Variants in MINDY3 observed in about 807,000 individuals in gnomAD.
MINDY3 encodes MINDY lysine 48 deubiquitinase 3.
In MINDY3, 38 loss-of-function variants were observed where a neutral mutation model predicts 69.2. That is an observed-to-expected ratio of 0.55 (90% CI 0.42 to 0.72). MINDY3 has a LOEUF of 0.72. MINDY3 is among the 30% of genes least tolerant of loss of function. MINDY3 has a pLI of 0.00. For synonymous variants in MINDY3, 192 were observed against 180.1 expected, an observed-to-expected ratio of 1.07 and a Z score of -0.53; for missense variants, 522 against 519.0, an observed-to-expected ratio of 1.01 and a Z score of -0.06.
At chr10:15,816,941 CA>C in intron 9 of MINDY3, 26 bp from the exon 10 acceptor site, 1 of 1,533,472 alleles carries the variant, frequency 6.5e-7, no homozygotes, top group South Asian at 1.2e-5. Flanking sequence ...CAAAATAAAA[CA>C]AATAAACAAA....
intron 11 of MINDY3, among the ~76,000 whole-genome samples, chr10:15,793,157 A>C (rs1837548817): frequency 1.3e-5 from 2 of 152,142 alleles, no homozygotes; most frequent in African/African-American, 4.8e-5. Context: ...CTGAATACGA[A>C]GCACATATCC....
rs753037823 is a variant in MINDY3, at chr10:15,833,685, C to G, written c.675G>C (p.Leu225=). 1.2e-6 allele frequency: 2 copies of G among 1,610,722 alleles called. No homozygotes were observed. Among genetic ancestry groups the G allele is most frequent in the Non-Finnish European group, 1.7e-6 (2 of 1,177,326 alleles). Residue 225 remains leucine, a synonymous_variant, in exon 8 of 15, where the codon CTG becomes CTC. Transcript: ENST00000277632. ...HGSQSLINLL[L]TGHAVSNVWD... ...ATACATTAGAAACAGCATGTCCCGT[C>G]AGCAGGAGATTAATTAAACTTTGGC...
At chr10:15,828,846 T>C (rs1840268181) in intron 8 of MINDY3, among the ~76,000 whole-genome samples, 1 of 152,166 alleles carries the variant, frequency 6.6e-6, no homozygotes, top group Admixed American at 6.5e-5. Context: ...TCTGACAACA[T>C]AGTAGGAGGC....
At chr10:15,807,345 G>A (rs1838705903) in intron 10 of MINDY3, among the ~76,000 whole-genome samples, 1 of 152,184 alleles carries the variant, frequency 6.6e-6, no homozygotes, top group Non-Finnish European at 1.5e-5. Context: ...AAGAGAGTAG[G>A]AGAATCAGCG....
At chr10:15,849,559 G>A (rs1834127126) in intron 1 of MINDY3, among the ~76,000 whole-genome samples, 1 of 151,864 alleles carries the variant, frequency 6.6e-6, no homozygotes, top group Admixed American at 6.6e-5. Flanking sequence ...CCGTGGAGAA[G>A]AGAAACTACA....
intron 10 of MINDY3, among the ~76,000 whole-genome samples, chr10:15,815,621 T>C (rs559228527): frequency 1.3e-5 from 2 of 152,316 alleles, no homozygotes; most frequent in East Asian, 3.9e-4. Context: ...TCAAGTTACC[T>C]ATGATCCCAG....
intron 12 of MINDY3, among the ~76,000 whole-genome samples, chr10:15,787,820 GA>G (rs1837090657): frequency 6.6e-6 from 1 of 152,060 alleles, no homozygotes; most frequent in African/African-American, 2.4e-5. Context: ...AAGTTATGAT[GA>G]AACAAATGAA....
intron 10 of MINDY3, among the ~76,000 whole-genome samples, chr10:15,805,101 A>G (rs566444172): frequency 6.6e-6 from 1 of 152,280 alleles, no homozygotes; most frequent in African/African-American, 2.4e-5. Context: ...TGCCATAATT[A>G]TTAAAATCAT....
At chr10:15,827,464 C>A (rs1304768699) in intron 8 of MINDY3, among the ~76,000 whole-genome samples, 1 of 151,636 alleles carries the variant, frequency 6.6e-6, no homozygotes, top group Non-Finnish European at 1.5e-5. Flanking sequence ...TTGCTTGAAC[C>A]CGGGTTAGGC....
intron 10 of MINDY3, among the ~76,000 whole-genome samples, chr10:15,812,604 T>G (rs115362124): frequency 0.016 from 2,494 of 152,274 alleles, 51 homozygotes; most frequent in African/African-American, 0.054. Context: ...GGTGCATCAG[T>G]CTACATAACA....
At position 15,816,866 on chromosome 10, in the gene MINDY3, C is replaced by T. The variant is rs766202097; in HGVS notation, c.851G>A (p.Ser284Asn). The change falls in exon 10 of 15, where the codon AGT becomes AAT. Residue 284 changes from serine (S) to asparagine (N), a missense_variant. By Grantham distance (46) the Ser-to-Asn change is conservative. Coordinates refer to ENST00000277632, the MANE Select transcript of MINDY3 (RefSeq NM_024948.4). ...SPKFPIWIVG[S>N]ETHLTVFFAK... ...AAAAAATACGGTGAGGTGAGTCTCA[C>T]TGCCAACAATCCAAATAGGGAATTT... is the stretch of plus-strand genomic sequence containing the variant. The T allele has an allele frequency of 6.2e-7, 1 of 1,613,402 alleles. No homozygotes were observed. The highest frequency in any genetic ancestry group is 8.5e-7 in the Non-Finnish European group (1 of 1,179,618).
At chr10:15,856,464 ATCTC>A (rs150752948) in intron 1 of MINDY3, among the ~76,000 whole-genome samples, 1 of 152,014 alleles carries the variant, frequency 6.6e-6, no homozygotes, top group Non-Finnish European at 1.5e-5. Context: ...GCAAAAATAA[ATCTC>A]TCTCTGACTA....
At chr10:15,814,548 A>T (rs1839224230) in intron 10 of MINDY3, among the ~76,000 whole-genome samples, 1 of 150,996 alleles carries the variant, frequency 6.6e-6, no homozygotes, top group Non-Finnish European at 1.5e-5. Context: ...ATAAAATTCA[A>T]GAGTTCTACA....
intron 8 of MINDY3, among the ~76,000 whole-genome samples, chr10:15,825,093 T>A (rs1190994578): frequency 1.3e-5 from 2 of 152,192 alleles, no homozygotes; most frequent in Non-Finnish European, 2.9e-5. Context: ...AAAGTGTCTA[T>A]TTTCAAGTAT....
At chr10:15,813,813 T>C (rs1253594318) in intron 10 of MINDY3, among the ~76,000 whole-genome samples, 1 of 152,108 alleles carries the variant, frequency 6.6e-6, no homozygotes, top group Non-Finnish European at 1.5e-5. Context: ...TATACTTTTT[T>C]ACTTAATTGT....
intron 11 of MINDY3, among the ~76,000 whole-genome samples, chr10:15,790,710 A>T (rs1837343088): frequency 2.0e-5 from 3 of 152,100 alleles, no homozygotes. Flanking sequence ...TAGATTTCAA[A>T]TTTTTTCTGG....
At chr10:15,806,955 G>T (rs187512502) in intron 10 of MINDY3, among the ~76,000 whole-genome samples, 1 of 152,156 alleles carries the variant, frequency 6.6e-6, no homozygotes, top group Non-Finnish European at 1.5e-5. Context: ...TTTCTTAAGG[G>T]AGGGAAGTAG....
At chr10:15,840,479 A>T (rs1240152701) in intron 4 of MINDY3, among the ~76,000 whole-genome samples, 2 of 151,720 alleles carry the variant, frequency 1.3e-5, no homozygotes, top group African/African-American at 4.8e-5. Flanking sequence ...CTGACAACAC[A>T]GAGGCATTTT....
intron 8 of MINDY3, among the ~76,000 whole-genome samples, chr10:15,822,025 G>A (rs910356131): frequency 1.3e-5 from 2 of 152,082 alleles, no homozygotes; most frequent in Non-Finnish European, 2.9e-5. Context: ...TGAAATCCAT[G>A]CCATTGTTGA....
Sources: allele counts gnomAD v4.1 joint callset (sites outside exome capture counted in the v4.1 genomes callset), GRCh38; gene constraint gnomAD v4.1.1; transcripts MANE v1.5; gene names NCBI Gene and HGNC (gene_info 2026-07-23, HGNC 2026-07-21).